The following TGFA variants were observed in gnomAD, a reference collection of about 807,000 sequenced individuals.
TGFA encodes the protein protransforming growth factor alpha.
A neutral mutation model predicts 21.7 loss-of-function variants in TGFA; 12 were observed. The ratio of observed to expected loss-of-function variants is 0.55; its 90% CI spans 0.35 to 0.90. The LOEUF is 0.90. Ranked by LOEUF, TGFA falls within the 40% of genes least tolerant of loss-of-function variation. The pLI is 0.01. For missense variants in TGFA, 178 were observed against 210.8 expected (o/e 0.84, Z 0.96); for synonymous variants, 79 against 88.1 (o/e 0.90, Z 0.58).
At chr2:70,470,672 T>C (rs1553493041) in intron 2 of TGFA, among the ~76,000 whole-genome samples, 3 of 152,196 alleles carry the variant, frequency 2.0e-5, no homozygotes, top group African/African-American at 7.2e-5. Context: ...GTAACAGTGA[T>C]GGCAGATGAC....
At position 70,538,766 on chromosome 2, in the gene TGFA, A is replaced by C. The variant is rs113178534; in HGVS notation, c.40+14962T>G. Among the ~76,000 whole-genome samples, 1,006 of 152,332 alleles carry C rather than the reference A, an allele frequency of 6.6e-3. 14 individuals carry two copies. Among genetic ancestry groups the C allele is most frequent in the African/African-American group, 0.023 (959 of 41,572 alleles). On this transcript the variant is annotated intron_variant, in intron 1 of 5. Coordinates refer to ENST00000295400, the MANE Select transcript of TGFA (RefSeq NM_003236.4). ...AGATGCTGTGAACATTGTGGAAATG[A>C]CAACACAGGACTTAGAGTATTCCAT...
chr2:70,546,818 G>A (rs1673320818), intron 1 of TGFA, among the ~76,000 whole-genome samples: 1 of 152,060 alleles, frequency 6.6e-6, no homozygotes, highest in Non-Finnish European at 1.5e-5. Context: ...ACCTCCCAAA[G>A]GGCTGGGATT....
intron 1 of TGFA, among the ~76,000 whole-genome samples, chr2:70,551,489 A>T (rs1673506489): frequency 6.6e-6 from 1 of 152,178 alleles, no homozygotes; most frequent in Non-Finnish European, 1.5e-5. Context: ...GGTTTCCTAG[A>T]TCTCGGGTAG....
At chr2:70,539,194 C>T (rs1553504886) in intron 1 of TGFA, among the ~76,000 whole-genome samples, 1 of 152,128 alleles carries the variant, frequency 6.6e-6, no homozygotes, top group African/African-American at 2.4e-5. Context: ...TTTATATGCA[C>T]CGGGAAACCA....
At chr2:70,520,049 A>C (rs1672400258) in intron 1 of TGFA, among the ~76,000 whole-genome samples, 1 of 152,240 alleles carries the variant, frequency 6.6e-6, no homozygotes, top group Non-Finnish European at 1.5e-5. Flanking sequence ...AAGTGAAACA[A>C]AATGAAATAG....
intron 2 of TGFA, among the ~76,000 whole-genome samples, chr2:70,499,053 G>A (rs937249949): frequency 3.3e-5 from 5 of 152,268 alleles, no homozygotes; most frequent in Middle Eastern, 3.4e-3. Context: ...TGCAGCCATA[G>A]TTGAGAACTC....
intron 2 of TGFA, among the ~76,000 whole-genome samples, chr2:70,503,190 A>T (rs1184458211): frequency 6.6e-6 from 1 of 152,194 alleles, no homozygotes; most frequent in Non-Finnish European, 1.5e-5. Flanking sequence ...TCCAACAATG[A>T]TAGACTGGAT....
rs1669973879 is a variant in TGFA, at chr2:70,449,100, C to G, written c.*1759G>C. On this transcript the variant is annotated 3_prime_UTR_variant, in exon 6 of 6. Coordinates refer to ENST00000295400, the MANE Select transcript of TGFA (RefSeq NM_003236.4). ...CAACTACGTTGCTAGGGGGTCAGCTCTGAACAGATCCAAGTGCTTCAGGTG... is the reference window on the plus strand; with the variant it reads ...CAACTACGTTGCTAGGGGGTCAGCTGTGAACAGATCCAAGTGCTTCAGGTG... The G allele has an allele frequency of 6.6e-6, 1 of 152,150 alleles. No individual in the cohort carries two copies. Among genetic ancestry groups the G allele is most frequent in the East Asian group, 1.9e-4 (1 of 5,192 alleles). The allele number at this position is 152,150 out of a possible 1,614,324, so 9.4% of individuals were successfully genotyped here.
chr2:70,515,940 G>A (rs782356103), intron 1 of TGFA, among the ~76,000 whole-genome samples: 34 of 152,200 alleles, frequency 2.2e-4, no homozygotes, highest in Non-Finnish European at 4.3e-4. Flanking sequence ...CAACTGCAGA[G>A]TGTTAAACCT....
intron 2 of TGFA, among the ~76,000 whole-genome samples, chr2:70,493,471 C>T (rs3755378): frequency 0.28 from 42,154 of 152,030 alleles, 6,873 homozygotes; most frequent in East Asian, 0.39. Flanking sequence ...CCATGGGAGA[C>T]TCTGTGAGGC....
intron 2 of TGFA, among the ~76,000 whole-genome samples, chr2:70,472,136 T>G (rs1197548871): frequency 6.6e-6 from 1 of 151,934 alleles, no homozygotes; most frequent in Non-Finnish European, 1.5e-5. Context: ...AAAGAATCAC[T>G]TAGAAAAGGA....
chr2:70,503,593 A>T (rs1383001674), intron 2 of TGFA, among the ~76,000 whole-genome samples: 4 of 151,886 alleles, frequency 2.6e-5, no homozygotes, highest in Middle Eastern at 3.4e-3. Flanking sequence ...AAAAAAAAAA[A>T]AAGAAACTTG....
chr2:70,525,063 A>C (rs6708768), intron 1 of TGFA, among the ~76,000 whole-genome samples: 18,925 of 152,198 alleles, frequency 0.12, 1,885 homozygotes, highest in African/African-American at 0.28. Context: ...CAGCTCAGTC[A>C]AAGCCATGTG....
At chr2:70,538,406 GGTAAA>G (rs1170208048) in intron 1 of TGFA, among the ~76,000 whole-genome samples, 9 of 152,088 alleles carry the variant, frequency 5.9e-5, no homozygotes, top group East Asian at 1.9e-4. Context: ...GATGGGTCTG[GGTAAA>G]GTAAATTAAA....
intron 2 of TGFA, among the ~76,000 whole-genome samples, chr2:70,488,682 C>A (rs576651643): frequency 1.3e-5 from 2 of 152,094 alleles, no homozygotes; most frequent in Admixed American, 6.5e-5. Flanking sequence ...TCCAGGTGAC[C>A]GTTAGAATCA....
chr2:70,452,156 T>G (rs1553489742), intron 5 of TGFA, among the ~76,000 whole-genome samples: 2 of 152,182 alleles, frequency 1.3e-5, no homozygotes, highest in Non-Finnish European at 2.9e-5. Context: ...GAACGCCAAC[T>G]GTTTACTAGG....
At chr2:70,493,317 G>C (rs573579351) in intron 2 of TGFA, among the ~76,000 whole-genome samples, 32 of 152,294 alleles carry the variant, frequency 2.1e-4, no homozygotes, top group African/African-American at 7.0e-4. Flanking sequence ...GGGGGAACCT[G>C]GGCTGTTCCA....
intron 2 of TGFA, among the ~76,000 whole-genome samples, chr2:70,497,957 ACAGCTTATTC>A (rs1379556142): frequency 1.3e-5 from 2 of 152,248 alleles, no homozygotes; most frequent in East Asian, 3.8e-4. Flanking sequence ...ATAACTAAAA[ACAGCTTATTC>A]CAGCATTAAC....
intron 5 of TGFA, chr2:70,451,760 G>A (rs1670066336): frequency 1.4e-6 from 1 of 702,020 alleles, no homozygotes; most frequent in Non-Finnish European, 2.6e-6. Flanking sequence ...GCCCAAGGTA[G>A]CTGAAAGGAG....
Sources: allele counts gnomAD v4.1 joint callset (sites outside exome capture counted in the v4.1 genomes callset), GRCh38; gene constraint gnomAD v4.1.1; transcripts MANE v1.5; gene names NCBI Gene and HGNC (gene_info 2026-07-23, HGNC 2026-07-21).